CDH18: variants seen among roughly 807,000 people sequenced by gnomAD.
CDH18 encodes the protein cadherin 18.
Under a neutral mutation model 67.9 loss-of-function variants are expected in CDH18, and 31 were observed. The ratio of observed to expected loss-of-function variants is 0.46; its 90% CI spans 0.34 to 0.62. CDH18 has a LOEUF of 0.62. Among genes scored for constraint, CDH18 ranks in the 20% least tolerant of loss-of-function variants. The pLI is 0.01. For missense variants in CDH18, 890 were observed against 975.5 expected (o/e 0.91, Z 1.17); for synonymous variants, 362 against 347.2 (o/e 1.04, Z -0.48).
At chr5:20,299,635 T>G (rs1391097502) in intron 1 of CDH18, among the ~76,000 whole-genome samples, 2 of 151,766 alleles carry the variant, frequency 1.3e-5, no homozygotes, top group South Asian at 2.1e-4. Flanking sequence ...GGTGCATGCC[T>G]GTAGTCCCAG....
At chr5:20,536,506 G>C (rs1756732321) in intron 1 of CDH18, among the ~76,000 whole-genome samples, 1 of 152,152 alleles carries the variant, frequency 6.6e-6, no homozygotes, top group Non-Finnish European at 1.5e-5. Flanking sequence ...CTTCCCTCAT[G>C]CTTCTGGTGC....
intron 2 of CDH18, among the ~76,000 whole-genome samples, chr5:20,175,189 G>A (rs886590659): frequency 1.3e-5 from 2 of 151,940 alleles, no homozygotes; most frequent in East Asian, 3.9e-4. Flanking sequence ...AGCTAACAGA[G>A]GAGAAAAATG....
At chr5:20,456,074 T>A (rs1750814830) in intron 1 of CDH18, among the ~76,000 whole-genome samples, 3 of 152,236 alleles carry the variant, frequency 2.0e-5, no homozygotes, top group Middle Eastern at 3.4e-3. Flanking sequence ...ATAACATGCT[T>A]ATTAGCCTCC....
chr5:20,166,657 C>T (rs1316268255), intron 2 of CDH18, among the ~76,000 whole-genome samples: 8 of 152,056 alleles, frequency 5.3e-5, no homozygotes, highest in Non-Finnish European at 1.5e-5. Flanking sequence ...CAAGAACCTG[C>T]ACTTTTAAAA....
intron 2 of CDH18, among the ~76,000 whole-genome samples, chr5:19,852,258 C>A (rs115159457): frequency 6.6e-6 from 1 of 152,086 alleles, no homozygotes; most frequent in East Asian, 1.9e-4. Context: ...AAACTTCTGC[C>A]AGACTCTTGA....
intron 5 of CDH18, among the ~76,000 whole-genome samples, chr5:19,672,445 T>C (rs1758878465): frequency 6.6e-6 from 1 of 152,134 alleles, no homozygotes; most frequent in Non-Finnish European, 1.5e-5. Flanking sequence ...ATAAATCTTA[T>C]CCTGATGATG....
At chr5:19,679,268 A>T (rs916011116) in intron 5 of CDH18, among the ~76,000 whole-genome samples, 1 of 152,076 alleles carries the variant, frequency 6.6e-6, no homozygotes, top group South Asian at 2.1e-4. Flanking sequence ...TCATGTTGAA[A>T]ATTCTCAACA....
chr5:19,687,867 G>T (rs1288592496), intron 5 of CDH18, among the ~76,000 whole-genome samples: 2 of 152,134 alleles, frequency 1.3e-5, no homozygotes, highest in African/African-American at 2.4e-5. Flanking sequence ...TGGGCCTGGG[G>T]TCTACCCAAC....
At chr5:19,711,030 G>A (rs1000545052) in intron 5 of CDH18, among the ~76,000 whole-genome samples, 1 of 151,962 alleles carries the variant, frequency 6.6e-6, no homozygotes, top group African/African-American at 2.4e-5. Flanking sequence ...AAATTGTTCT[G>A]GGAAAATTGG....
intron 1 of CDH18, among the ~76,000 whole-genome samples, chr5:20,455,602 A>G (rs1169250054): frequency 1.3e-5 from 2 of 152,136 alleles, no homozygotes; most frequent in African/African-American, 4.8e-5. Context: ...AAAATCATCA[A>G]TTCAGAAATC....
At position 19,842,029 on chromosome 5, in the gene CDH18, C is replaced by A. The variant is rs1006631693; in HGVS notation, c.-256-2787G>T. On this transcript the variant is annotated intron_variant, in intron 2 of 12. Coordinates refer to ENST00000382275, the MANE Select transcript of CDH18 (RefSeq NM_004934.5). ...AATATAAAATTTTTCTGCATTACTG[C>A]AAGAAATCCATCTCTGCATAAGTTA... Among the ~76,000 whole-genome samples, 4 of 152,112 alleles carry A rather than the reference C, an allele frequency of 2.6e-5. No individual in the cohort carries two copies. The East Asian group carries it at 7.7e-4, about 29-fold the overall frequency.
At chr5:20,493,650 T>G (rs112111334) in intron 1 of CDH18, among the ~76,000 whole-genome samples, 19 of 152,096 alleles carry the variant, frequency 1.2e-4, no homozygotes, top group African/African-American at 4.6e-4. Context: ...ACTGGGCATC[T>G]TATATAATTC....
At chr5:20,046,338 G>A (rs980845899) in intron 2 of CDH18, among the ~76,000 whole-genome samples, 1 of 151,886 alleles carries the variant, frequency 6.6e-6, no homozygotes, top group Non-Finnish European at 1.5e-5. Flanking sequence ...GAACAGTTGG[G>A]GAGAAGTCCA....
chr5:19,815,804 GT>G (rs1325867046), intron 3 of CDH18, among the ~76,000 whole-genome samples: 1 of 151,932 alleles, frequency 6.6e-6, no homozygotes, highest in Non-Finnish European at 1.5e-5. Context: ...TAGTTTCTCA[GT>G]TTTTTTATTT....
chr5:20,122,266 G>A (rs1580291872), intron 2 of CDH18, among the ~76,000 whole-genome samples: 1 of 152,290 alleles, frequency 6.6e-6, no homozygotes, highest in Admixed American at 6.5e-5. Context: ...GTCATTAGAT[G>A]TAAGCCTTTG....
chr5:19,616,390 A>T (rs1178243752), intron 5 of CDH18, among the ~76,000 whole-genome samples: 3 of 152,146 alleles, frequency 2.0e-5, no homozygotes, highest in African/African-American at 7.2e-5. Flanking sequence ...TTTAATTAAA[A>T]AAATTGGTTA....
chr5:20,309,133 C>T (rs1736765329), intron 1 of CDH18, among the ~76,000 whole-genome samples: 1 of 152,276 alleles, frequency 6.6e-6, no homozygotes, highest in South Asian at 2.1e-4. Flanking sequence ...ATTTCTTATG[C>T]TTAACATCAT....
chr5:19,755,368 A>G (rs1330173958), intron 3 of CDH18, among the ~76,000 whole-genome samples: 2 of 144,014 alleles, frequency 1.4e-5, no homozygotes, highest in African/African-American at 5.0e-5. Context: ...GAGAAACACA[A>G]AAGTTCATTC....
At chr5:19,908,400 T>C (rs1343429615) in intron 2 of CDH18, among the ~76,000 whole-genome samples, 1 of 152,114 alleles carries the variant, frequency 6.6e-6, no homozygotes, top group Non-Finnish European at 1.5e-5. Flanking sequence ...AAGTTAGATA[T>C]GTACTATGAT....
Sources: gnomAD v4.1 joint callset for allele counts (sites outside exome capture counted in the v4.1 genomes callset) on GRCh38, gnomAD v4.1.1 for gene constraint, MANE v1.5 for transcripts, NCBI Gene and HGNC (gene_info 2026-07-23, HGNC 2026-07-21) for gene names.